Variants in BCAS3 observed in about 807,000 individuals in gnomAD.
BCAS3 encodes BCAS3 microtubule associated cell migration factor.
In BCAS3, 53 loss-of-function variants were observed where a neutral mutation model predicts 116.1. The ratio of observed to expected loss-of-function variants is 0.46; its 90% CI spans 0.37 to 0.57. BCAS3 has a LOEUF of 0.57. Among genes scored for constraint, BCAS3 ranks in the 20% least tolerant of loss-of-function variants. The pLI, the probability that BCAS3 is intolerant of heterozygous loss-of-function variation, is 0.00. For synonymous variants in BCAS3, 391 were observed against 408.2 expected (o/e 0.96, Z 0.51); for missense variants, 917 against 1,165.4 (o/e 0.79, Z 3.10).
intron 22 of BCAS3, among the ~76,000 whole-genome samples, chr17:61,289,002 G>T (rs1406951050): frequency 6.6e-6 from 1 of 152,212 alleles, no homozygotes; most frequent in Non-Finnish European, 1.5e-5. Flanking sequence ...GGCCGCGCAG[G>T]CCTAATGGCC....
At chr17:61,054,768 C>T (rs1458363671) in intron 19 of BCAS3, among the ~76,000 whole-genome samples, 1 of 152,162 alleles carries the variant, frequency 6.6e-6, no homozygotes, top group Non-Finnish European at 1.5e-5. Context: ...TTACAGAATT[C>T]TATGTGATAG....
In BCAS3 at chr17:61,279,481, C is replaced by G. The variant is rs1183766069; in HGVS notation, c.2426-88846C>G. On this transcript the variant is annotated intron_variant, in intron 22 of 23. Coordinates refer to ENST00000407086, the MANE Select transcript of BCAS3 (RefSeq NM_017679.5). The surrounding 1 kb of genome is among the most constrained non-coding windows in gnomAD (Gnocchi z 4.4). ...TTCTTGAAGAGCAGCTTCTGCCTAG[C>G]CCATGGTGGCTAAGAGATTCACAAG... Among the ~76,000 whole-genome samples the G allele has an allele frequency of 6.6e-6, 1 of 152,062 alleles. No individual in the cohort carries two copies. Among genetic ancestry groups the G allele is most frequent in the Non-Finnish European group, 1.5e-5 (1 of 68,020 alleles).
rs1027441874 is a variant in BCAS3, at chr17:61,214,343, G to A, written c.2425+129779G>A. ...GATCATGCCATTGCACTCCAGCCTC[G>A]GCCACAGAGCAAGACCCTATCTCAA... On this transcript the variant is annotated intron_variant, in intron 22 of 23. Coordinates refer to ENST00000407086, the MANE Select transcript of BCAS3 (RefSeq NM_017679.5). The surrounding 1 kb of genome is among the most constrained non-coding windows in gnomAD (Gnocchi z 4.4). 1.5e-4 allele frequency among the ~76,000 whole-genome samples: 22 copies of A among 150,510 alleles called. No individual in the cohort carries two copies. The highest frequency in any genetic ancestry group is 2.4e-4 in the Non-Finnish European group (16 of 67,930).
intron 5 of BCAS3, among the ~76,000 whole-genome samples, chr17:60,742,645 C>T (rs1598408871): frequency 3.3e-5 from 5 of 151,728 alleles, no homozygotes; most frequent in African/African-American, 9.7e-5. Flanking sequence ...GTTGGCCAGG[C>T]TGGTCTCGAA....
rs1027355684 is a variant in BCAS3, at chr17:61,105,176, G to A, written c.2425+20612G>A. Among the ~76,000 whole-genome samples, 1 of 152,058 alleles carries A rather than the reference G, an allele frequency of 6.6e-6. No individual in the cohort carries two copies. The highest frequency in any genetic ancestry group is 6.5e-5 in the Admixed American group (1 of 15,272). On this transcript the variant is annotated intron_variant, in intron 22 of 23. Coordinates refer to ENST00000407086, the MANE Select transcript of BCAS3 (RefSeq NM_017679.5). The surrounding 1 kb of genome is among the most constrained non-coding windows in gnomAD (Gnocchi z 4.3). ...TACATTTATTGAAAACTACCCTGCC[G>A]CAGGGCACAGCACATTGGAAAACTG...
rs1412091215 is a variant in BCAS3 at position 61,286,930 on chromosome 17, A to G, written c.2426-81397A>G. ...CCAGACACCAGAGATGCAACTAGAA[A>G]GATGCCATGGTCTTTACACCTAAAG... On this transcript the variant is annotated intron_variant, in intron 22 of 23. Transcript: ENST00000407086. This position sits in a 1 kb window ranked among gnomAD's most constrained non-coding sequence, Gnocchi z 4.8. Among the ~76,000 whole-genome samples, 1 of 152,168 alleles carries G rather than the reference A, an allele frequency of 6.6e-6. No individual in the cohort carries two copies. Among genetic ancestry groups the G allele is most frequent in the African/African-American group, 2.4e-5 (1 of 41,448 alleles).
At chr17:61,107,544 A>G (rs895525885) in intron 22 of BCAS3, among the ~76,000 whole-genome samples, 1 of 152,162 alleles carries the variant, frequency 6.6e-6, no homozygotes, top group African/African-American at 2.4e-5. Flanking sequence ...CCTGCCAGCT[A>G]CTAATCTATT....
chr17:60,861,212 T>A (rs976578240), intron 7 of BCAS3, among the ~76,000 whole-genome samples: 1 of 152,212 alleles, frequency 6.6e-6, no homozygotes. Context: ...TTTACCTTTC[T>A]GGTTAGCAGT....
intron 5 of BCAS3, among the ~76,000 whole-genome samples, chr17:60,716,272 G>A (rs992507989): frequency 1.3e-5 from 2 of 152,024 alleles, no homozygotes; most frequent in Admixed American, 6.6e-5. Flanking sequence ...AGGAGAGAGA[G>A]ATTTAAATAA....
chr17:61,284,512 G>C (rs572708018), intron 22 of BCAS3, among the ~76,000 whole-genome samples: 7 of 152,256 alleles, frequency 4.6e-5, no homozygotes, highest in African/African-American at 9.6e-5. Context: ...GCGAGGGTCC[G>C]CGGCTGGTTC....
chr17:61,045,871 A>C (rs1452323611), intron 19 of BCAS3, among the ~76,000 whole-genome samples: 9 of 45,262 alleles, frequency 2.0e-4, no homozygotes, highest in African/African-American at 4.1e-4. Context: ...ATATAAATAT[A>C]TATAAATATA....
At chr17:60,690,244 T>C (rs1479829104) in intron 4 of BCAS3, among the ~76,000 whole-genome samples, 3 of 152,178 alleles carry the variant, frequency 2.0e-5, no homozygotes, top group Non-Finnish European at 2.9e-5. Context: ...TTCATCTACA[T>C]TGTAGCATAG....
At chr17:60,786,365 G>A (rs1331727759) in intron 6 of BCAS3, among the ~76,000 whole-genome samples, 1 of 151,922 alleles carries the variant, frequency 6.6e-6, no homozygotes, top group Admixed American at 6.6e-5. Flanking sequence ...AAGAAAAAAA[G>A]TATTGTTTTA....
chr17:60,763,130 G>A (rs2043707092), intron 6 of BCAS3, among the ~76,000 whole-genome samples: 2 of 152,204 alleles, frequency 1.3e-5, no homozygotes, highest in South Asian at 4.1e-4. Flanking sequence ...ATGCAATCAT[G>A]TCATCTGCAA....
rs769843199 is a variant in BCAS3 at position 61,199,726 on chromosome 17, C to A, written c.2425+115162C>A. 1.4e-5 allele frequency among the ~76,000 whole-genome samples: 2 copies of A among 143,274 alleles called. No individual in the cohort carries two copies. Among genetic ancestry groups the A allele is most frequent in the East Asian group, 6.1e-4 (2 of 3,264 alleles). The allele number at this position is 143,274 out of a possible 152,430, so 94.0% of individuals were successfully genotyped here. On this transcript the variant is annotated intron_variant, in intron 22 of 23. Coordinates refer to ENST00000407086, the MANE Select transcript of BCAS3 (RefSeq NM_017679.5). This position sits in a 1 kb window ranked among gnomAD's most constrained non-coding sequence, Gnocchi z 4.6. ...AGTGACAGCTTAATTTTGATAGGATCCCTATGATCTTTGTAAGCGTATTCA... is the reference window on the plus strand; with the variant it reads ...AGTGACAGCTTAATTTTGATAGGATACCTATGATCTTTGTAAGCGTATTCA...
intron 14 of BCAS3, among the ~76,000 whole-genome samples, chr17:60,987,394 G>A (rs2063212560): frequency 6.7e-6 from 1 of 149,412 alleles, no homozygotes; most frequent in African/African-American, 2.5e-5. Flanking sequence ...TAGGTATTTT[G>A]ATAGGGATTG....
intron 7 of BCAS3, among the ~76,000 whole-genome samples, chr17:60,843,965 C>T (rs1015181236): frequency 6.6e-6 from 1 of 152,078 alleles, no homozygotes; most frequent in Non-Finnish European, 1.5e-5. Context: ...AAGTATACAA[C>T]TAATATACTT....
intron 7 of BCAS3, among the ~76,000 whole-genome samples, chr17:60,809,834 C>A (rs1010428535): frequency 9.2e-5 from 14 of 152,160 alleles, no homozygotes; most frequent in African/African-American, 3.4e-4. Flanking sequence ...TTGAGTGAAT[C>A]CTCTGTTGAG....
chr17:60,800,664 A>G (rs1370269366), intron 6 of BCAS3, among the ~76,000 whole-genome samples: 1 of 152,154 alleles, frequency 6.6e-6, no homozygotes, highest in Non-Finnish European at 1.5e-5. Flanking sequence ...GTGGGACTTC[A>G]TCAAACTCTG....
Sources: gnomAD v4.1 joint callset for allele counts (sites outside exome capture counted in the v4.1 genomes callset) on GRCh38, gnomAD v4.1.1 for gene constraint, Gnocchi (gnomAD v3.1) non-coding constraint, MANE v1.5 for transcripts, NCBI Gene and HGNC (gene_info 2026-07-23, HGNC 2026-07-21) for gene names.